Variants in BBS5 observed in about 807,000 individuals in gnomAD.
BBS5 encodes Bardet-Biedl syndrome 5.
A neutral mutation model predicts 50.2 loss-of-function variants in BBS5; 39 were observed. The ratio of observed to expected loss-of-function variants is 0.78; its 90% CI spans 0.60 to 1.01. BBS5 has a LOEUF of 1.01. BBS5 is among the 50% of genes least tolerant of loss of function. The pLI, the probability that BBS5 is intolerant of heterozygous loss-of-function variation, is 0.00. For synonymous variants in BBS5, 134 were observed against 133.1 expected (o/e 1.01, Z -0.05); for missense variants, 356 against 401.5 (o/e 0.89, Z 0.97).
At chr2:169,486,999 C>G (rs1352696242) in intron 2 of BBS5, 70 bp from the exon 3 acceptor site, 2 of 949,916 alleles carry the variant, frequency 2.1e-6, no homozygotes, top group Non-Finnish European at 3.5e-6. Context: ...AGTTCCATAT[C>G]CATCTCATTC....
chr2:169,494,877 A>G (rs2105298775), intron 7 of BBS5, among the ~76,000 whole-genome samples: 1 of 152,334 alleles, frequency 6.6e-6, no homozygotes, highest in African/African-American at 2.4e-5. Flanking sequence ...AGTAGACAGA[A>G]TGTATGTGAT....
chr2:169,493,925 C>G (rs1262093416), intron 7 of BBS5, 89 bp downstream of exon 7: 2 of 845,458 alleles, frequency 2.4e-6, no homozygotes, highest in Admixed American at 2.2e-5. Flanking sequence ...TGAGTTCTTT[C>G]TCCCTTTTTT....
intron 7 of BBS5, among the ~76,000 whole-genome samples, chr2:169,496,453 C>T (rs893012349): frequency 2.6e-5 from 4 of 152,176 alleles, no homozygotes; most frequent in Non-Finnish European, 5.9e-5. Flanking sequence ...ACTTAGACTA[C>T]AGATGGGCAT....
At chr2:169,494,094 T>G (rs988615719) in intron 7 of BBS5, among the ~76,000 whole-genome samples, 1 of 152,212 alleles carries the variant, frequency 6.6e-6, no homozygotes, top group African/African-American at 2.4e-5. Context: ...TTCTAAAAAT[T>G]TAAATAGTAA....
intron 7 of BBS5, among the ~76,000 whole-genome samples, chr2:169,494,256 C>CTTGTCTCTTG (rs1683655274): frequency 6.6e-6 from 1 of 152,144 alleles, no homozygotes; most frequent in African/African-American, 2.4e-5. Context: ...TCATTTTCTG[C>CTTGTCTCTTG]TCTAAAGCTT....
intron 2 of BBS5, among the ~76,000 whole-genome samples, chr2:169,483,170 C>T (rs1029401457): frequency 1.3e-5 from 2 of 152,122 alleles, no homozygotes; most frequent in Admixed American, 1.3e-4. Flanking sequence ...ACCTTATTAG[C>T]AGAACATGCT....
At position 169,488,064 on chromosome 2, in the gene BBS5, T is replaced by C; in HGVS notation, c.336T>C (p.Asn112=). The C allele has an allele frequency of 6.2e-7, 1 of 1,613,602 alleles. No individual in the cohort carries two copies. The highest frequency in any genetic ancestry group is 8.5e-7 in the Non-Finnish European group (1 of 1,179,616). ...NSTRFEFIFT[N]LVPGSPRLFT... ...CTCGTTTTGAATTTATATTTACAAA[T>C]TTGGTTCCTGGAAGCCCTAGACTTT... is the stretch of plus-strand genomic sequence containing the variant. The change falls in exon 5 of 12, where the codon AAT becomes AAC. Residue 112 remains asparagine, a synonymous_variant. Coordinates refer to ENST00000295240, the MANE Select transcript of BBS5 (RefSeq NM_152384.3).
Position 169,504,607 on chromosome 2 carries a change from C to A in BBS5, c.*25C>A, listed in dbSNP as rs773086300. 3.6e-5 allele frequency: 54 copies of A among 1,503,870 alleles called. No individual in the cohort carries two copies. Among genetic ancestry groups the A allele is most frequent in the Admixed American group, 5.0e-5 (3 of 59,848 alleles). 93.2% of individuals were successfully genotyped at this position (1,503,870 alleles called of 1,614,324 possible). ...ATTGACCTTGAGTTGAGATGGATTT[C>A]TATTAAAGATATCTCTAGTTTAAAG... On this transcript the variant is annotated 3_prime_UTR_variant, in exon 12 of 12. Transcript: ENST00000295240.
rs1000939174 is a variant in BBS5, at chr2:169,505,341, G to T, written c.*759G>T. On this transcript the variant is annotated 3_prime_UTR_variant, in exon 12 of 12. Coordinates refer to ENST00000295240, the MANE Select transcript of BBS5 (RefSeq NM_152384.3). ...TCCCAGCTGCCTGCCTTGGCCTCCCGAAGTGCCAAGAGTGCAGCCTCTGCC... is the reference window on the plus strand; with the variant it reads ...TCCCAGCTGCCTGCCTTGGCCTCCCTAAGTGCCAAGAGTGCAGCCTCTGCC... 2.7e-6 allele frequency: 1 copy of T among 365,676 alleles called. No individual in the cohort carries two copies. Among genetic ancestry groups the T allele is most frequent in the South Asian group, 2.2e-5 (1 of 45,736 alleles). The allele number at this position is 365,676 out of a possible 1,614,324, so 22.7% of individuals were successfully genotyped here.
At chr2:169,485,860 T>G (rs944047269) in intron 2 of BBS5, among the ~76,000 whole-genome samples, 1 of 152,224 alleles carries the variant, frequency 6.6e-6, no homozygotes, top group Non-Finnish European at 1.5e-5. Flanking sequence ...AAGGGTTGGC[T>G]GTGTCTCTCC....
intron 5 of BBS5, among the ~76,000 whole-genome samples, chr2:169,492,071 A>G (rs1683610743): frequency 6.6e-6 from 1 of 151,482 alleles, no homozygotes; most frequent in Admixed American, 6.6e-5. Flanking sequence ...TGCTGGGATT[A>G]CAGGTATGAA....
Position 169,506,627 on chromosome 2 carries a change from C to A in BBS5, c.*2045C>A, listed in dbSNP as rs781098251. 6.6e-6 allele frequency: 1 copy of A among 152,026 alleles called. No individual in the cohort carries two copies. The highest frequency in any genetic ancestry group is 1.5e-5 in the Non-Finnish European group (1 of 68,058). The allele number at this position is 152,026 out of a possible 1,614,324, so 9.4% of individuals were successfully genotyped here. A position where few individuals can be genotyped will look rare whatever the true frequency, so the allele number is the denominator to read the frequency against. On this transcript the variant is annotated 3_prime_UTR_variant, in exon 12 of 12. Transcript: ENST00000295240. ...AGACATTAAGTGACTGTATCATGTT[C>A]GGTTTAATAAAGAATTTATGCAGCA...
At chr2:169,481,479 T>A (rs1467550595) in intron 1 of BBS5, among the ~76,000 whole-genome samples, 77 of 152,184 alleles carry the variant, frequency 5.1e-4, no homozygotes, top group Non-Finnish European at 1.0e-4. Flanking sequence ...TAGCTCAGGA[T>A]TTTGGACTTC....
chr2:169,504,570 AGTAATGAGT>A lies in BBS5; in HGVS notation c.1015_1023del (p.Val339_Ser341del). The A allele has an allele frequency of 6.2e-7, 1 of 1,610,972 alleles. No homozygotes were observed. On this transcript the variant is annotated inframe_deletion, in exon 12 of 12. Transcript: ENST00000295240. ...GATTCACCCTACAGGGACTTTGGGA[AGTAATGAGT>A]TGATTGACCTTGAGTTGAGATGGAT...
intron 1 of BBS5, among the ~76,000 whole-genome samples, chr2:169,481,222 A>G (rs1683389700): frequency 2.6e-5 from 4 of 152,238 alleles, no homozygotes; most frequent in Admixed American, 2.6e-4. Context: ...ACTCATAGAA[A>G]CAGAACAATT....
At chr2:169,488,156 C>T in intron 5 of BBS5, 42 bp downstream of exon 5, 1 of 1,600,644 alleles carries the variant, frequency 6.2e-7, no homozygotes. Context: ...TTTTTGTTTA[C>T]TCTATGGTTT....
chr2:169,485,524 C>T (rs1683474315), intron 2 of BBS5, among the ~76,000 whole-genome samples: 1 of 152,118 alleles, frequency 6.6e-6, no homozygotes, highest in African/African-American at 2.4e-5. Flanking sequence ...TTTAGTCCTC[C>T]CCAATTCCAA....
At chr2:169,479,846 C>G (rs531184471) in intron 1 of BBS5, among the ~76,000 whole-genome samples, 3 of 152,324 alleles carry the variant, frequency 2.0e-5, no homozygotes, top group African/African-American at 7.2e-5. Context: ...TGGTCCCATG[C>G]GACCTCCGGT....
At position 169,479,566 on chromosome 2, in the gene BBS5, G is replaced by C; in HGVS notation, c.13G>C (p.Asp5His). 6.2e-7 allele frequency: 1 copy of C among 1,614,196 alleles called. No individual in the cohort carries two copies. Among genetic ancestry groups the C allele is most frequent in the African/African-American group, 1.3e-5 (1 of 75,076 alleles). MSVL[D>H]ALWEDRDVRF... ...GGCCTTGTTCACCATGTCGGTGCTGGATGCGCTTTGGGAGGATCGGGATGT... is the reference window on the plus strand; with the variant it reads ...GGCCTTGTTCACCATGTCGGTGCTGCATGCGCTTTGGGAGGATCGGGATGT... The change falls in exon 1 of 12, where the codon GAT (aspartate) becomes CAT (histidine). Residue 5 changes from aspartate to histidine, a missense_variant. Asp to His is a moderately conservative substitution (Grantham distance 81). Transcript: ENST00000295240.
Sources: gnomAD v4.1 joint callset for allele counts (sites outside exome capture counted in the v4.1 genomes callset) on GRCh38, gnomAD v4.1.1 for gene constraint, MANE v1.5 for transcripts, NCBI Gene and HGNC (gene_info 2026-07-23, HGNC 2026-07-21) for gene names.